The following ALK variants were observed in gnomAD, a reference collection of about 807,000 sequenced individuals.
ALK encodes the protein ALK receptor tyrosine kinase.
In ALK, 74 loss-of-function variants were observed where a neutral mutation model predicts 163.1. That is an observed-to-expected ratio of 0.45 (90% CI 0.38 to 0.55). The LOEUF is 0.55. Ranked by LOEUF, ALK falls within the 20% of genes least tolerant of loss-of-function variation. The pLI is 0.00. For missense variants in ALK, 2,063 were observed against 2,105.3 expected, an observed-to-expected ratio of 0.98 and a Z score of 0.39; for synonymous variants, 960 against 843.2, an observed-to-expected ratio of 1.14 and a Z score of -2.40.
chr2:29,476,845 A>G (rs146026621), intron 4 of ALK, among the ~76,000 whole-genome samples: 203 of 152,324 alleles, frequency 1.3e-3, no homozygotes, highest in African/African-American at 4.8e-3. Flanking sequence ...TGCAGAAATT[A>G]GTTGTGAGAT....
At chr2:29,710,326 T>A (rs775898162) in intron 2 of ALK, among the ~76,000 whole-genome samples, 1 of 152,194 alleles carries the variant, frequency 6.6e-6, no homozygotes, top group Non-Finnish European at 1.5e-5. Context: ...ATTAGCAGCA[T>A]GAGCACAGAC....
chr2:29,548,902 C>A (rs1673640060), intron 3 of ALK, among the ~76,000 whole-genome samples: 1 of 151,992 alleles, frequency 6.6e-6, no homozygotes, highest in African/African-American at 2.4e-5. Flanking sequence ...TAAAACAAAT[C>A]AATTTTTAAA....
intron 4 of ALK, among the ~76,000 whole-genome samples, chr2:29,521,107 G>A (rs1672799981): frequency 6.6e-6 from 1 of 152,166 alleles, no homozygotes. Flanking sequence ...ACACAGTGGG[G>A]CTAAGAAAAA....
chr2:29,214,371 G>C (rs1033696776), intron 23 of ALK, among the ~76,000 whole-genome samples: 6 of 152,130 alleles, frequency 3.9e-5, no homozygotes, highest in African/African-American at 1.4e-4. Flanking sequence ...CCAGACTCCG[G>C]GAAGCTAGGT....
At chr2:29,485,510 C>A (rs150369709) in intron 4 of ALK, among the ~76,000 whole-genome samples, 39 of 152,280 alleles carry the variant, frequency 2.6e-4, no homozygotes, top group Non-Finnish European at 4.6e-4. Context: ...TCAAGTATAT[C>A]TTAAATGTAT....
At chr2:29,578,953 G>A (rs527465474) in intron 3 of ALK, among the ~76,000 whole-genome samples, 17 of 152,322 alleles carry the variant, frequency 1.1e-4, no homozygotes, top group Non-Finnish European at 2.4e-4. Context: ...AGGAAGCCAA[G>A]GCATGGACTG....
At chr2:29,905,086 C>T (rs1179353516) in intron 1 of ALK, among the ~76,000 whole-genome samples, 1 of 152,186 alleles carries the variant, frequency 6.6e-6, no homozygotes, top group Non-Finnish European at 1.5e-5. Flanking sequence ...TCTCCAGATG[C>T]CACCACACCA....
chr2:29,439,511 C>T (rs930413845), intron 4 of ALK, among the ~76,000 whole-genome samples: 6 of 152,052 alleles, frequency 3.9e-5, no homozygotes, highest in Non-Finnish European at 7.4e-5. Context: ...AGAGAATAGA[C>T]GGCTCCTACT....
At chr2:29,530,108 TTC>T (rs1491103581) in intron 4 of ALK, among the ~76,000 whole-genome samples, 1 of 150,570 alleles carries the variant, frequency 6.6e-6, no homozygotes, top group Non-Finnish European at 1.5e-5. Flanking sequence ...ATATTTCCCT[TTC>T]TCTTTCCCAA....
chr2:29,519,995 T>C (rs1440952589), intron 4 of ALK, among the ~76,000 whole-genome samples: 1 of 152,174 alleles, frequency 6.6e-6, no homozygotes, highest in Non-Finnish European at 1.5e-5. Context: ...ATGTAAAGAC[T>C]AGTAAACTAA....
chr2:29,840,498 CT>C (rs755259582), intron 1 of ALK, among the ~76,000 whole-genome samples: 5 of 152,178 alleles, frequency 3.3e-5, no homozygotes, highest in Non-Finnish European at 5.9e-5. Context: ...TATAAATCAT[CT>C]GGTTTTGCTT....
rs10637189 is a variant in ALK at position 29,583,035 on chromosome 2, G to GTTTTTTTTT, written c.953-50920_953-50919insAAAAAAAAA. On this transcript the variant is annotated intron_variant, in intron 3 of 28. Transcript: ENST00000389048. ...GTGCCACCATGCCTGGCTAACTTTTGTTTTTTGTTTTTTTGTTTTTTTTAG... is the reference window on the plus strand; with the variant it reads ...GTGCCACCATGCCTGGCTAACTTTTGTTTTTTTTTTTTTTTGTTTTTTTGTTTTTTTTAG... Among the ~76,000 whole-genome samples, 325 of 107,968 alleles carry GTTTTTTTTT rather than the reference G, an allele frequency of 3.0e-3. 3 individuals carry two copies. The highest frequency in any genetic ancestry group is 6.5e-3 in the East Asian group (27 of 4,160). The allele number at this position is 107,968 out of a possible 152,430, so 70.8% of individuals were successfully genotyped here.
intron 1 of ALK, among the ~76,000 whole-genome samples, chr2:29,865,868 T>C (rs1428867531): frequency 6.6e-6 from 1 of 152,148 alleles, no homozygotes; most frequent in Non-Finnish European, 1.5e-5. Context: ...ATATTGCCAG[T>C]AAGACAGGAG....
chr2:29,559,685 G>C (rs1250395101), intron 3 of ALK, among the ~76,000 whole-genome samples: 1 of 151,962 alleles, frequency 6.6e-6, no homozygotes, highest in Non-Finnish European at 1.5e-5. Context: ...AAAGGCAAAT[G>C]AATAAATCAT....
rs1020176274 is a variant in ALK, at chr2:29,225,577, G to C, written c.3068-12C>G. The C allele has an allele frequency of 1.2e-6, 2 of 1,603,622 alleles. No homozygotes were observed. Among genetic ancestry groups the C allele is most frequent in the Non-Finnish European group, 1.7e-6 (2 of 1,175,294 alleles). The stretch of plus-strand genomic sequence containing the variant: ...CGGGGTGGGTGACACTGGAAGACAG[G>C]TCCCACTGGGGTATTGACAACCACA... On this transcript the variant is annotated splice_polypyrimidine_tract_variant and intron_variant, in intron 18 of 28. Transcript: ENST00000389048.
intron 8 of ALK, among the ~76,000 whole-genome samples, chr2:29,298,926 C>T (rs755186472): frequency 6.6e-6 from 1 of 152,192 alleles, no homozygotes; most frequent in Non-Finnish European, 1.5e-5. Context: ...TCTTTTGGCT[C>T]CTTTGTCTAC....
At chr2:29,508,848 CT>C (rs1672428597) in intron 4 of ALK, among the ~76,000 whole-genome samples, 1 of 151,124 alleles carries the variant, frequency 6.6e-6, no homozygotes, top group Non-Finnish European at 1.5e-5. Context: ...ACAACAAATG[CT>C]GAGAAGTTCT....
chr2:29,638,459 T>TTCGAGTG (rs1483682524), intron 3 of ALK, among the ~76,000 whole-genome samples: 3 of 149,872 alleles, frequency 2.0e-5, no homozygotes, highest in Non-Finnish European at 4.4e-5. Flanking sequence ...CCAGGACAGC[T>TTCGAGTG]TCGAGTGTCA....
At chr2:29,514,421 A>G (rs933285987) in intron 4 of ALK, among the ~76,000 whole-genome samples, 3 of 151,948 alleles carry the variant, frequency 2.0e-5, no homozygotes, top group African/African-American at 7.3e-5. Context: ...AACACCGCAT[A>G]TTCTCACTCA....
Sources: gnomAD v4.1 joint callset for allele counts (sites outside exome capture counted in the v4.1 genomes callset) on GRCh38, gnomAD v4.1.1 for gene constraint, MANE v1.5 for transcripts, NCBI Gene and HGNC (gene_info 2026-07-23, HGNC 2026-07-21) for gene names.